Variants in CSTPP1 observed in about 807,000 individuals in gnomAD.
CSTPP1 encodes the protein centriolar satellite-associated tubulin polyglutamylase complex regulator 1, also known as UPF0705 protein C11orf49.
the CSTPP1 span, among the ~76,000 whole-genome samples, chr11:47,032,064 G>C: frequency 6.6e-6 from 1 of 152,072 alleles, no homozygotes; most frequent in African/African-American, 2.4e-5. Flanking sequence ...CAGATTAAGG[G>C]TAGGTCTGCC....
chr11:47,156,800 G>A, the CSTPP1 span, among the ~76,000 whole-genome samples: 4 of 152,286 alleles, frequency 2.6e-5, no homozygotes, highest in East Asian at 1.9e-4. Flanking sequence ...AGGAACAACT[G>A]AGCCAAGGAT....
the CSTPP1 span, among the ~76,000 whole-genome samples, chr11:46,989,770 T>G: frequency 6.6e-6 from 1 of 151,168 alleles, no homozygotes; most frequent in Non-Finnish European, 1.5e-5. Flanking sequence ...TAGTACCCAA[T>G]AGGTAGTTTT....
chr11:46,946,597 G>A, the CSTPP1 span, among the ~76,000 whole-genome samples: 2 of 152,246 alleles, frequency 1.3e-5, no homozygotes, highest in African/African-American at 4.8e-5. Context: ...GGCGGAGCTT[G>A]CAGTGAGCCG....
the CSTPP1 span, among the ~76,000 whole-genome samples, chr11:47,145,011 T>C: frequency 9.3e-6 from 1 of 107,352 alleles, no homozygotes; most frequent in South Asian, 3.2e-4. Flanking sequence ...TTTTTTGAGA[T>C]AGAGTCTTGC....
At chr11:47,111,038 C>G in the CSTPP1 span, among the ~76,000 whole-genome samples, 2 of 152,092 alleles carry the variant, frequency 1.3e-5, no homozygotes, top group Non-Finnish European at 2.9e-5. Context: ...TACAGGCGCC[C>G]GTCACCACTC....
the CSTPP1 span, among the ~76,000 whole-genome samples, chr11:47,071,701 A>G: frequency 6.6e-6 from 1 of 152,218 alleles, no homozygotes; most frequent in Admixed American, 6.5e-5. Flanking sequence ...GAGCACTTCA[A>G]ATTTCAATTT....
At chr11:46,942,075 T>G in the CSTPP1 span, among the ~76,000 whole-genome samples, 5 of 152,344 alleles carry the variant, frequency 3.3e-5, no homozygotes, top group Admixed American at 6.5e-5. Context: ...CTTTGTAGAT[T>G]AGGAACCTGT....
the CSTPP1 span, chr11:47,155,143 TTCTC>T: frequency 6.1e-6 from 8 of 1,304,634 alleles, no homozygotes; most frequent in Non-Finnish European, 7.5e-6. Context: ...CTCTCCCCCA[TTCTC>T]TCTCTCAGAT....
the CSTPP1 span, chr11:47,052,289 C>T: frequency 2.1e-6 from 3 of 1,431,496 alleles, no homozygotes; most frequent in African/African-American, 4.4e-5. Flanking sequence ...GAAAAATTCC[C>T]CGTTTTTGGC....
the CSTPP1 span, among the ~76,000 whole-genome samples, chr11:46,989,534 C>T: frequency 3.3e-5 from 5 of 152,164 alleles, no homozygotes; most frequent in Non-Finnish European, 7.3e-5. Context: ...CTGCAGGCCT[C>T]AAGTAATCCT....
chr11:47,054,031 C>A, the CSTPP1 span, among the ~76,000 whole-genome samples: 3 of 151,132 alleles, frequency 2.0e-5, no homozygotes, highest in Admixed American at 2.0e-4. Context: ...CTGTTGCAGC[C>A]GGGCACGGTG....
chr11:47,038,558 C>G, the CSTPP1 span, among the ~76,000 whole-genome samples: 2 of 93,232 alleles, frequency 2.1e-5, no homozygotes, highest in Admixed American at 1.1e-4. Context: ...ACCTCCCGGA[C>G]GGGGCGGCTG....
At chr11:46,979,085 T>TA in the CSTPP1 span, among the ~76,000 whole-genome samples, 57 of 152,352 alleles carry the variant, frequency 3.7e-4, no homozygotes, top group South Asian at 0.011. Context: ...AATTTAATGA[T>TA]AATTGATAAA....
chr11:47,155,407 G>T, the CSTPP1 span: 1 of 765,940 alleles, frequency 1.3e-6, no homozygotes, highest in Admixed American at 2.0e-5. Flanking sequence ...TCGCTAACAG[G>T]ATGTCTAGTG....
chr11:46,973,831 A>G, the CSTPP1 span, among the ~76,000 whole-genome samples: 1 of 145,032 alleles, frequency 6.9e-6, no homozygotes, highest in South Asian at 2.1e-4. Context: ...TGTGTGTTGA[A>G]GAGGGTAATT....
the CSTPP1 span, among the ~76,000 whole-genome samples, chr11:47,097,686 G>T: frequency 1.1e-5 from 1 of 90,318 alleles, no homozygotes; most frequent in Non-Finnish European, 2.5e-5. Flanking sequence ...AGGTGGGGGG[G>T]GGTCGGCCCC....
chr11:47,141,698 C>G, the CSTPP1 span, among the ~76,000 whole-genome samples: 10 of 151,922 alleles, frequency 6.6e-5, no homozygotes, highest in East Asian at 1.9e-3. Context: ...CTTTGGAAGG[C>G]TGAAGCAGGA....
the CSTPP1 span, among the ~76,000 whole-genome samples, chr11:46,944,665 C>T: frequency 7.2e-5 from 11 of 152,278 alleles, no homozygotes; most frequent in African/African-American, 2.6e-4. Flanking sequence ...ACTCTCACTG[C>T]ACACTGCTAA....
chr11:47,138,470 G>A, the CSTPP1 span, among the ~76,000 whole-genome samples: 1 of 152,244 alleles, frequency 6.6e-6, no homozygotes, highest in African/African-American at 2.4e-5. Flanking sequence ...GTTGGGGACT[G>A]GAAGGGCATA....
Sources: allele counts gnomAD v4.1 joint callset (sites outside exome capture counted in the v4.1 genomes callset), GRCh38; gene constraint gnomAD v4.1.1; transcripts MANE v1.5; gene names NCBI Gene and HGNC (gene_info 2026-07-23, HGNC 2026-07-21).